GALNT13: variants seen among roughly 807,000 people sequenced by gnomAD.
GALNT13 encodes UDP-GalNAc:polypeptide N-acetylgalactosaminyltransferase 13.
Under a neutral mutation model 64.2 loss-of-function variants are expected in GALNT13, and 28 were observed. That is an observed-to-expected ratio of 0.44 (90% CI 0.32 to 0.60). GALNT13 has a LOEUF of 0.60. Ranked by LOEUF, GALNT13 falls within the 20% of genes least tolerant of loss-of-function variation. GALNT13 has a pLI of 0.05. For synonymous variants in GALNT13, 214 were observed against 224.6 expected (o/e 0.95, Z 0.42); for missense variants, 577 against 669.8 (o/e 0.86, Z 1.53).
the GALNT13 span, among the ~76,000 whole-genome samples, chr2:153,086,893 T>C: frequency 2.0e-5 from 3 of 152,078 alleles, no homozygotes; most frequent in Non-Finnish European, 4.4e-5. Flanking sequence ...ATGAGTCTTC[T>C]GGGTTTTCTA....
At chr2:153,537,334 T>C in the GALNT13 span, among the ~76,000 whole-genome samples, 1 of 152,194 alleles carries the variant, frequency 6.6e-6, no homozygotes, top group Non-Finnish European at 1.5e-5. Context: ...TTTTTAAGGC[T>C]GTGTCAACCA....
At chr2:153,672,038 C>G in the GALNT13 span, among the ~76,000 whole-genome samples, 1 of 152,050 alleles carries the variant, frequency 6.6e-6, no homozygotes, top group South Asian at 2.1e-4. Flanking sequence ...ACAGGAGCAC[C>G]CAGATTCATA....
chr2:153,565,946 A>C, the GALNT13 span, among the ~76,000 whole-genome samples: 1 of 152,184 alleles, frequency 6.6e-6, no homozygotes, highest in East Asian at 1.9e-4. Context: ...GTACATAAAA[A>C]ATGTGTAGTG....
intron 3 of GALNT13, among the ~76,000 whole-genome samples, chr2:154,003,426 C>T (rs1051642141): frequency 1.3e-5 from 2 of 152,122 alleles, no homozygotes; most frequent in African/African-American, 2.4e-5. Flanking sequence ...TTTTGTGGCT[C>T]AGGGTATTTT....
intron 3 of GALNT13, among the ~76,000 whole-genome samples, chr2:153,974,809 G>A (rs1693972854): frequency 6.6e-6 from 1 of 152,086 alleles, no homozygotes; most frequent in Non-Finnish European, 1.5e-5. Flanking sequence ...TATTTGTTCT[G>A]TCACTAGGTC....
chr2:153,908,028 A>C (rs1450846834), intron 2 of GALNT13, among the ~76,000 whole-genome samples: 1 of 152,030 alleles, frequency 6.6e-6, no homozygotes, highest in East Asian at 1.9e-4. Context: ...CCCACCAGCA[A>C]GCAGTGTGTA....
chr2:153,755,946 A>C, the GALNT13 span, among the ~76,000 whole-genome samples: 1 of 152,168 alleles, frequency 6.6e-6, no homozygotes, highest in African/African-American at 2.4e-5. Context: ...TTGATTTTGC[A>C]AGAAGTTAAC....
chr2:154,379,302 C>CT (rs35957769), intron 9 of GALNT13, among the ~76,000 whole-genome samples: 3 of 151,800 alleles, frequency 2.0e-5, no homozygotes, highest in South Asian at 2.1e-4. Context: ...GCTTTCTCTA[C>CT]TTTTTTTTAG....
intron 4 of GALNT13, among the ~76,000 whole-genome samples, chr2:154,147,573 G>T (rs1330577460): frequency 6.6e-6 from 1 of 151,812 alleles, no homozygotes; most frequent in African/African-American, 2.4e-5. Context: ...AAGCAAGCCA[G>T]TTCTGGTTAG....
At chr2:153,572,707 C>T in the GALNT13 span, among the ~76,000 whole-genome samples, 5 of 151,890 alleles carry the variant, frequency 3.3e-5, no homozygotes, top group South Asian at 2.1e-4. Flanking sequence ...ACCCACTGGT[C>T]GTTCAGGAGC....
chr2:153,963,731 CTGTG>C (rs58455059), intron 3 of GALNT13, among the ~76,000 whole-genome samples: 14,115 of 99,592 alleles, frequency 0.14, 921 homozygotes, highest in East Asian at 0.39. Flanking sequence ...CTCTCTCTCT[CTGTG>C]TGTGTGTGTG....
At chr2:153,287,179 G>A in the GALNT13 span, among the ~76,000 whole-genome samples, 97 of 152,320 alleles carry the variant, frequency 6.4e-4, no homozygotes, top group African/African-American at 2.2e-3. Context: ...CACGCGATGG[G>A]GGTGTGGCTC....
At chr2:153,876,746 G>A (rs1413489828) in intron 1 of GALNT13, among the ~76,000 whole-genome samples, 1 of 152,066 alleles carries the variant, frequency 6.6e-6, no homozygotes, top group African/African-American at 2.4e-5. Context: ...TTCATTTATA[G>A]CTATGAGTTT....
chr2:153,513,787 CTA>C, the GALNT13 span, among the ~76,000 whole-genome samples: 1 of 152,162 alleles, frequency 6.6e-6, no homozygotes, highest in African/African-American at 2.4e-5. Flanking sequence ...TTCTCATTTC[CTA>C]ACCCGGAAGA....
the GALNT13 span, among the ~76,000 whole-genome samples, chr2:153,708,043 C>A: frequency 6.6e-6 from 1 of 152,102 alleles, no homozygotes; most frequent in African/African-American, 2.4e-5. Flanking sequence ...TAAAACGGAT[C>A]TTTCCATACC....
chr2:153,124,522 TTGGAGACAGAGTCTTGCTC>T, the GALNT13 span, among the ~76,000 whole-genome samples: 1 of 152,196 alleles, frequency 6.6e-6, no homozygotes. Flanking sequence ...GTTTGTTTGT[TTGGAGACAGAGTCTTGCTC>T]TGTCACCAGG....
intron 3 of GALNT13, among the ~76,000 whole-genome samples, chr2:154,112,637 A>G (rs1355667765): frequency 1.3e-5 from 2 of 152,306 alleles, no homozygotes; most frequent in Non-Finnish European, 2.9e-5. Context: ...TTATCTTTCC[A>G]TGCTAAGTGC....
the GALNT13 span, among the ~76,000 whole-genome samples, chr2:153,331,844 A>G: frequency 1.2e-4 from 19 of 152,286 alleles, no homozygotes; most frequent in African/African-American, 3.4e-4. Context: ...TACTGATTCA[A>G]TTTCAGGACT....
the GALNT13 span, among the ~76,000 whole-genome samples, chr2:153,777,659 G>T: frequency 1.3e-5 from 2 of 152,092 alleles, no homozygotes; most frequent in Admixed American, 6.5e-5. Context: ...GTGTGCAATG[G>T]GGGTGTGGCT....
Sources: gnomAD v4.1 joint callset for allele counts (sites outside exome capture counted in the v4.1 genomes callset) on GRCh38, gnomAD v4.1.1 for gene constraint, MANE v1.5 for transcripts, NCBI Gene and HGNC (gene_info 2026-07-23, HGNC 2026-07-21) for gene names.